PIGN: variants seen among roughly 807,000 people sequenced by gnomAD.
The protein encoded by PIGN is phosphatidylinositol glycan anchor biosynthesis class N.
A neutral mutation model predicts 125.4 loss-of-function variants in PIGN; 117 were observed. That is an observed-to-expected ratio of 0.93 (90% confidence interval 0.80 to 1.09). The LOEUF is 1.09. Among genes scored for constraint, PIGN ranks in the 50% least tolerant of loss-of-function variants. PIGN has a pLI of 0.00. For missense variants in PIGN, 1,075 were observed against 1,094.9 expected, an observed-to-expected ratio of 0.98 and a Z score of 0.26; for synonymous variants, 392 against 377.8, an observed-to-expected ratio of 1.04 and a Z score of -0.44.
intron 30 of PIGN, among the ~76,000 whole-genome samples, chr18:62,069,122 G>A (rs1216822594): frequency 1.3e-5 from 2 of 152,170 alleles, no homozygotes; most frequent in Non-Finnish European, 2.9e-5. Flanking sequence ...TTGAGATCAT[G>A]GATATGAAAA....
chr18:62,168,375 T>C (rs1422203652), intron 1 of PIGN, among the ~76,000 whole-genome samples: 1 of 152,204 alleles, frequency 6.6e-6, no homozygotes, highest in African/African-American at 2.4e-5. Flanking sequence ...CCCCTTAGCA[T>C]ATTCACCTAA....
chr18:62,040,437 T>A (rs1442798842), downstream of PIGN, among the ~76,000 whole-genome samples: 1 of 152,222 alleles, frequency 6.6e-6, no homozygotes, highest in Non-Finnish European at 1.5e-5. Flanking sequence ...TTGCCAAATG[T>A]TCCTATATTG....
chr18:62,104,233 T>G (rs1032897907), intron 20 of PIGN, among the ~76,000 whole-genome samples: 7 of 152,212 alleles, frequency 4.6e-5, no homozygotes, highest in Admixed American at 3.3e-4. Flanking sequence ...TTCTCATATT[T>G]TAACAAGTTT....
At chr18:62,138,177 T>A (rs569330817) in intron 14 of PIGN, 66 bp downstream of exon 14, 1 of 1,531,170 alleles carries the variant, frequency 6.5e-7, no homozygotes, top group South Asian at 1.3e-5. Flanking sequence ...TATCACTCAG[T>A]GAAAAATTGC....
intron 23 of PIGN, among the ~76,000 whole-genome samples, chr18:62,027,670 G>C (rs1317380082): frequency 6.6e-6 from 1 of 152,208 alleles, no homozygotes; most frequent in Non-Finnish European, 1.5e-5. Context: ...ATGGGAGACA[G>C]GTTTGCCCTG....
At chr18:62,102,474 G>C (rs2034483460) in intron 21 of PIGN, among the ~76,000 whole-genome samples, 1 of 149,168 alleles carries the variant, frequency 6.7e-6, no homozygotes, top group South Asian at 2.1e-4. Context: ...TCAAGGAAGT[G>C]ACCTTCCCTG....
chr18:62,177,682 G>T (rs1391631949), intron 1 of PIGN, among the ~76,000 whole-genome samples: 1 of 151,952 alleles, frequency 6.6e-6, no homozygotes, highest in Non-Finnish European at 1.5e-5. Flanking sequence ...ATTTTCTTTT[G>T]ATTTTTGAAG....
At chr18:62,083,191 C>A (rs2033530575) in intron 27 of PIGN, among the ~76,000 whole-genome samples, 1 of 151,974 alleles carries the variant, frequency 6.6e-6, no homozygotes, top group African/African-American at 2.4e-5. Flanking sequence ...GATTCAGCTT[C>A]TTAATCTTTG....
intron 23 of PIGN, among the ~76,000 whole-genome samples, chr18:62,030,459 GT>G (rs1256855465): frequency 6.6e-6 from 1 of 152,178 alleles, no homozygotes; most frequent in African/African-American, 2.4e-5. Context: ...CAACTTCCTG[GT>G]TTCAATTGGA....
At chr18:62,084,504 G>A in intron 27 of PIGN, 27 bp downstream of exon 27, 1 of 1,369,968 alleles carries the variant, frequency 7.3e-7, no homozygotes, top group East Asian at 2.5e-5. Context: ...AATAGCTTAA[G>A]ACAAATAACA....
At chr18:62,028,828 G>A in intron 23 of PIGN, among the ~76,000 whole-genome samples, 1 of 152,232 alleles carries the variant, frequency 6.6e-6, no homozygotes, top group East Asian at 1.9e-4. Flanking sequence ...ATCAGAGGAA[G>A]AAAGGGCAAC....
chr18:62,131,356 CT>C (rs1032565076), intron 14 of PIGN, among the ~76,000 whole-genome samples: 1 of 151,896 alleles, frequency 6.6e-6, no homozygotes, highest in African/African-American at 2.4e-5. Context: ...ATCTTTTTTG[CT>C]TTCTTCTTAT....
At chr18:62,156,136 T>C (rs1311816952) in intron 6 of PIGN, among the ~76,000 whole-genome samples, 1 of 152,170 alleles carries the variant, frequency 6.6e-6, no homozygotes, top group Non-Finnish European at 1.5e-5. Flanking sequence ...GAAAATAATA[T>C]AAATGAATTT....
rs1475956314 is a variant in PIGN, at chr18:62,147,046, T to C, written c.730A>G (p.Met244Val). 1.2e-6 allele frequency: 2 copies of C among 1,609,802 alleles called. No homozygotes were observed. The highest frequency in any genetic ancestry group is 1.7e-5 in the Admixed American group (1 of 59,852). Residue 244 changes from methionine (M) to valine (V), a missense_variant, in exon 9 of 31, where the codon ATG becomes GTG. Coordinates refer to ENST00000640252, the MANE Select transcript of PIGN (RefSeq NM_176787.5). ...VDDGVKEIVS[M>V]FNHFYGNDGK... ...TCATTTCCATAGAAGTGGTTAAACA[T>C]AGACACGATTTCTTTAACTCCATCA...
chr18:62,146,604 C>T (rs755685602), intron 9 of PIGN, among the ~76,000 whole-genome samples: 22 of 152,158 alleles, frequency 1.4e-4, no homozygotes, highest in East Asian at 3.9e-4. Context: ...TCTCACAGGG[C>T]GCACAGGCTT....
chr18:62,132,575 C>T (rs780722045), intron 14 of PIGN, among the ~76,000 whole-genome samples: 5 of 152,164 alleles, frequency 3.3e-5, no homozygotes, highest in South Asian at 2.1e-4. Flanking sequence ...GGCACAGTAG[C>T]TCACACCTGC....
chr18:62,034,783 G>A (rs2030236078), intron 23 of PIGN, among the ~76,000 whole-genome samples: 1 of 152,130 alleles, frequency 6.6e-6, no homozygotes. Flanking sequence ...GTAAAGGAAG[G>A]GGACTTGCCT....
intron 30 of PIGN, among the ~76,000 whole-genome samples, chr18:62,071,706 G>C (rs2032856586): frequency 6.6e-6 from 1 of 151,600 alleles, no homozygotes; most frequent in Non-Finnish European, 1.5e-5. Flanking sequence ...GGTGATGCTG[G>C]TGTGAACAAA....
chr18:62,131,057 A>C (rs2035717596), intron 14 of PIGN, among the ~76,000 whole-genome samples: 2 of 152,190 alleles, frequency 1.3e-5, no homozygotes, highest in African/African-American at 4.8e-5. Context: ...CTTACAAATA[A>C]TTAGTAAATC....
Sources: gnomAD v4.1 joint callset for allele counts (sites outside exome capture counted in the v4.1 genomes callset) on GRCh38, gnomAD v4.1.1 for gene constraint, MANE v1.5 for transcripts, NCBI Gene and HGNC (gene_info 2026-07-23, HGNC 2026-07-21) for gene names.